PLEKHS1: variants seen among roughly 807,000 people sequenced by gnomAD.
The protein encoded by PLEKHS1 is pleckstrin homology domain containing S1.
Under a neutral mutation model 51.0 loss-of-function variants are expected in PLEKHS1, and 55 were observed. That is an observed-to-expected ratio of 1.08 (90% CI 0.87 to 1.35). The LOEUF is 1.35. PLEKHS1 is among the 40% of genes most tolerant of loss of function. The pLI is 0.00. For missense variants in PLEKHS1, 398 were observed against 423.0 expected (o/e 0.94, Z 0.52); for synonymous variants, 153 against 144.8 (o/e 1.06, Z -0.41).
At chr10:113,771,858 C>A (rs1223046296) in intron 7 of PLEKHS1, 112 bp from the exon 8 acceptor site, 1 of 1,260,700 alleles carries the variant, frequency 7.9e-7, no homozygotes, top group East Asian at 2.5e-5. Flanking sequence ...TCTTGGAAGA[C>A]CCTCTGGTCT....
rs139463210 is a variant in PLEKHS1, at chr10:113,756,618, G to A, written c.28+1313G>A. On this transcript the variant is annotated intron_variant, in intron 2 of 11. Transcript: ENST00000361048. ...TAAGTAGTAATGAGAATCCAGAGAG[G>A]TTTTACAGGAAAGGCATTTGAGCTA... Among the ~76,000 whole-genome samples the A allele has an allele frequency of 6.7e-3, 1,020 of 152,290 alleles. 10 individuals are homozygous for A. The highest frequency in any genetic ancestry group is 0.022 in the African/African-American group (896 of 41,550).
intron 11 of PLEKHS1, chr10:113,777,764 C>T: frequency 2.1e-6 from 3 of 1,452,366 alleles, no homozygotes; most frequent in Non-Finnish European, 2.7e-6. Flanking sequence ...TTTTTTAAAG[C>T]CTCAGTTTCA....
rs150504896 is a variant in PLEKHS1, at chr10:113,759,013, A to T, written c.28+3708A>T. Among the ~76,000 whole-genome samples, 749 of 139,318 alleles carry T rather than the reference A, an allele frequency of 5.4e-3. 6 individuals are homozygous for T. The highest frequency in any genetic ancestry group is 0.02 in the African/African-American group (690 of 33,836). The allele number at this position is 139,318 out of a possible 152,430, so 91.4% of individuals were successfully genotyped here. A position where few individuals can be genotyped will look rare whatever the true frequency, so the allele number is the denominator to read the frequency against. ...TGCCATAAACCTTCAATTTGTAAAT[A>T]AAAAAAAAAGCAATATATGCAAAGC... On this transcript the variant is annotated intron_variant, in intron 2 of 11. Coordinates refer to ENST00000361048, the Ensembl canonical transcript of PLEKHS1.
chr10:113,775,720 A>C lies in PLEKHS1; in HGVS notation c.990-45A>C, dbSNP rs73361868. ...TACTCAGAAAGTACAGTTGAGAGCC[A>C]AGGTCAGTTGCCTGATGTGACTTTT... On this transcript the variant is annotated intron_variant, in intron 10 of 11. Coordinates refer to ENST00000361048, the Ensembl canonical transcript of PLEKHS1. 3.9e-3 allele frequency: 5,343 copies of C among 1,385,954 alleles called. 158 individuals carry two copies. In the African/African-American group the frequency reaches 0.066, roughly 17 times the overall value. The allele number at this position is 1,385,954 out of a possible 1,614,324, so 85.9% of individuals were successfully genotyped here. A position where few individuals can be genotyped will look rare whatever the true frequency, so the allele number is the denominator to read the frequency against.
intron 2 of PLEKHS1, among the ~76,000 whole-genome samples, chr10:113,763,275 T>C (rs1003860570): frequency 6.6e-6 from 1 of 152,192 alleles, no homozygotes; most frequent in Non-Finnish European, 1.5e-5. Flanking sequence ...TTGACTAGCG[T>C]TGGCATAGCA....
rs550722873 is a variant in PLEKHS1 at position 113,779,426 on chromosome 10, T to G, written c.*-1176T>G. ...TGTATGAAAAATACAAAAAATTAGC[T>G]GGGCATGGTGGCGGGTGCCTGTTAT... On this transcript the variant is annotated intron_variant, in intron 11 of 11. Coordinates refer to ENST00000361048, the Ensembl canonical transcript of PLEKHS1. 2.6e-5 allele frequency among the ~76,000 whole-genome samples: 4 copies of G among 152,170 alleles called. No homozygotes were observed. The East Asian group carries it at 7.7e-4, about 29-fold the overall frequency.
intron 11 of PLEKHS1, chr10:113,777,151 T>A: frequency 6.2e-7 from 1 of 1,612,684 alleles, no homozygotes; most frequent in Non-Finnish European, 8.5e-7. Flanking sequence ...GCCCCCCACG[T>A]TTGGGATGCA....
At chr10:113,777,671 ACTGGC>A (rs1443272177) in intron 11 of PLEKHS1, 3 of 1,524,038 alleles carry the variant, frequency 2.0e-6, no homozygotes, top group Non-Finnish European at 2.7e-6. Flanking sequence ...TACAAAGGTG[ACTGGC>A]ACATATTAGG....
downstream of PLEKHS1, chr10:113,783,194 A>C (rs2134604054): frequency 6.6e-6 from 1 of 151,784 alleles, no homozygotes; most frequent in African/African-American, 2.4e-5. Context: ...AGATCATGCC[A>C]TTGCACTCCA....
At chr10:113,757,381 T>C (rs1003278933) in intron 2 of PLEKHS1, among the ~76,000 whole-genome samples, 2 of 152,290 alleles carry the variant, frequency 1.3e-5, no homozygotes, top group Admixed American at 1.3e-4. Context: ...ACCAAGCAAA[T>C]ATCACAATAA....
At chr10:113,771,674 CAAAAA>C (rs11383972) in intron 7 of PLEKHS1, among the ~76,000 whole-genome samples, 2 of 74,608 alleles carry the variant, frequency 2.7e-5, no homozygotes, top group Non-Finnish European at 5.1e-5. Flanking sequence ...GACTCTGTCT[CAAAAA>C]AAAAAAAAAA....
chr10:113,766,423 C>T, exon 3 of PLEKHS1: 1 of 1,576,264 alleles, frequency 6.3e-7, no homozygotes, highest in Non-Finnish European at 8.7e-7. Flanking sequence ...AAACAATTTA[C>T]ATTTTCTTAT....
At chr10:113,768,362 A>G (rs1844254065) in intron 5 of PLEKHS1, among the ~76,000 whole-genome samples, 1 of 152,224 alleles carries the variant, frequency 6.6e-6, no homozygotes, top group Non-Finnish European at 1.5e-5. Context: ...TCTGTTTCAG[A>G]TTGACCAAAG....
At chr10:113,758,629 C>G (rs1843780051) in intron 2 of PLEKHS1, among the ~76,000 whole-genome samples, 2 of 152,116 alleles carry the variant, frequency 1.3e-5, no homozygotes, top group Non-Finnish European at 2.9e-5. Flanking sequence ...ACTCACCTTT[C>G]ACTTGACACT....
At chr10:113,777,817 T>C (rs1593047392) in intron 11 of PLEKHS1, 10 of 1,399,996 alleles carry the variant, frequency 7.1e-6, no homozygotes, top group Middle Eastern at 2.6e-4. Flanking sequence ...TCATAGAATA[T>C]TGCAAGAATT....
intron 2 of PLEKHS1, among the ~76,000 whole-genome samples, chr10:113,756,012 T>C (rs1335825673): frequency 6.6e-6 from 1 of 152,220 alleles, no homozygotes; most frequent in East Asian, 1.9e-4. Context: ...GTATCAAGTA[T>C]CCTTGCTCTT....
At chr10:113,768,587 T>G (rs1227122043) in intron 5 of PLEKHS1, among the ~76,000 whole-genome samples, 1 of 152,220 alleles carries the variant, frequency 6.6e-6, no homozygotes, top group Non-Finnish European at 1.5e-5. Context: ...CTACTATTAT[T>G]TTCTACTTTT....
At chr10:113,772,463 T>C (rs1331905037) in intron 8 of PLEKHS1, among the ~76,000 whole-genome samples, 1 of 152,138 alleles carries the variant, frequency 6.6e-6, no homozygotes, top group Non-Finnish European at 1.5e-5. Flanking sequence ...AAGAATAATA[T>C]GAGCCAAGGT....
intron 9 of PLEKHS1, 104 bp from the exon 10 acceptor site, chr10:113,774,722 G>A: frequency 1.0e-6 from 1 of 963,430 alleles, no homozygotes; most frequent in Non-Finnish European, 1.6e-6. Context: ...TCAAGACCTT[G>A]CTAGTCTTCA....
Sources: allele counts gnomAD v4.1 joint callset (sites outside exome capture counted in the v4.1 genomes callset), GRCh38; gene constraint gnomAD v4.1.1; transcripts MANE v1.5; gene names NCBI Gene and HGNC (gene_info 2026-07-23, HGNC 2026-07-21).